Variants in ATP12A observed in about 807,000 individuals in gnomAD.
The protein encoded by ATP12A is potassium-transporting ATPase alpha chain 2.
In ATP12A, 81 loss-of-function variants were observed where a neutral mutation model predicts 111.2. The ratio of observed to expected loss-of-function variants is 0.73; its 90% CI spans 0.61 to 0.88. The LOEUF (loss-of-function observed/expected upper bound fraction) is 0.88, where lower values mean the gene tolerates loss of function less well. Among genes scored for constraint, ATP12A ranks in the 40% least tolerant of loss-of-function variants. The probability of loss-of-function intolerance (pLI) is 0.00; values close to 1 mark genes in which losing one functional copy is unlikely to be tolerated. For missense variants in ATP12A, 1,196 were observed against 1,313.1 expected (o/e 0.91, Z 1.38); for synonymous variants, 498 against 499.8 (o/e 1.00, Z 0.05).
At position 24,685,169 on chromosome 13, in the gene ATP12A, G is replaced by A; in HGVS notation, c.169-145G>A. On this transcript the variant is annotated intron_variant, in intron 2 of 22. Transcript: ENST00000381946. The surrounding 1 kb of genome is among the most constrained non-coding windows in gnomAD (Gnocchi z 5.5). ...CGCTGGGCAGCTGCCTGGCACAGGG[G>A]TTCTTTCTCTCCTGTCCCCCACACT... The A allele has an allele frequency of 1.4e-6, 1 of 722,328 alleles. No homozygotes were observed. Among genetic ancestry groups the A allele is most frequent in the East Asian group, 2.6e-5 (1 of 38,412 alleles). 44.7% of individuals were successfully genotyped at this position (722,328 alleles called of 1,614,324 possible).
At chr13:24,706,648 C>T (rs1466516738) in intron 15 of ATP12A, among the ~76,000 whole-genome samples, 185 bp downstream of exon 15, 1 of 152,160 alleles carries the variant, frequency 6.6e-6, no homozygotes, top group Admixed American at 6.5e-5. Flanking sequence ...CTTTGAGACC[C>T]CCACCACATG....
chr13:24,691,186 C>T lies in ATP12A; in HGVS notation c.1004C>T (p.Ser335Phe), dbSNP rs1874888679. 1 of 1,614,040 alleles carries T rather than the reference C, an allele frequency of 6.2e-7. No homozygotes were observed. Among genetic ancestry groups the T allele is most frequent in the Non-Finnish European group, 8.5e-7 (1 of 1,180,026 alleles). The change falls in exon 8 of 23, where the codon TCC becomes TTC. Residue 335 changes from serine to phenylalanine, a missense_variant. Transcript: ENST00000381946. ...AVSLKYQVLD[S>F]IIFLIGIIVA... Reference sequence around the variant, plus strand: ...TCCCTGAAGTATCAAGTCCTGGACTCCATCATCTTCCTCATTGGCATCATT... The same window carrying T: ...TCCCTGAAGTATCAAGTCCTGGACTTCATCATCTTCCTCATTGGCATCATT...
At chr13:24,696,718 C>CAAAAAAAAAAAA (rs1199522203) in intron 11 of ATP12A, among the ~76,000 whole-genome samples, 1 of 33,034 alleles carries the variant, frequency 3.0e-5, no homozygotes, top group Admixed American at 7.6e-4. Context: ...GACTCCGTCT[C>CAAAAAAAAAAAA]AAAAAAAAAA....
chr13:24,687,475 A>T (rs1254854840), intron 3 of ATP12A, among the ~76,000 whole-genome samples: 1 of 151,886 alleles, frequency 6.6e-6, no homozygotes, highest in East Asian at 1.9e-4. Context: ...AAAAAAAAAG[A>T]CCAAGACAGA....
chr13:24,703,006 G>C (rs1265705438), intron 14 of ATP12A, among the ~76,000 whole-genome samples: 1 of 152,176 alleles, frequency 6.6e-6, no homozygotes, highest in Non-Finnish European at 1.5e-5. Flanking sequence ...AAGCACTTAG[G>C]TCTTTTAGGG....
At position 24,681,586 on chromosome 13, in the gene ATP12A, G is replaced by A. The variant is rs1331350960; in HGVS notation, c.34G>A (p.Glu12Lys). ...GAAAACCCCAGAAATTTACTCCGTG[G>A]AGCTCAGCGGAACTAAGGACATCGT... ...HQKTPEIYSV[E>K]LSGTKDIVKT... Residue 12 changes from glutamate to lysine, a missense_variant, in exon 2 of 23, where the codon GAG becomes AAG. Physicochemically the swap from Glu to Lys is moderately conservative, Grantham distance 56. This residue lies in a region of ATP12A where 67 missense variants were observed against 64.0 expected (regional missense o/e 1.05). Coordinates refer to ENST00000381946, the MANE Select transcript of ATP12A (RefSeq NM_001676.7). The A allele has an allele frequency of 2.5e-6, 4 of 1,613,744 alleles. No homozygotes were observed. Among genetic ancestry groups the A allele is most frequent in the Non-Finnish European group, 2.5e-6 (3 of 1,179,980 alleles).
intron 17 of ATP12A, 85 bp from the exon 18 acceptor site, chr13:24,709,279 G>GCCCCC: frequency 9.5e-6 from 2 of 211,220 alleles, no homozygotes; most frequent in Non-Finnish European, 1.8e-5. Flanking sequence ...TCCAGCCAGT[G>GCCCCC]CCCCACCCAC....
intron 14 of ATP12A, among the ~76,000 whole-genome samples, chr13:24,703,234 T>TTTTGTTTG (rs80317625): frequency 3.9e-5 from 6 of 152,058 alleles, no homozygotes; most frequent in Non-Finnish European, 8.8e-5. Flanking sequence ...TTTAAACAAA[T>TTTTGTTTG]TTTGTTTGTT....
chr13:24,686,570 C>G (rs1874675799), intron 3 of ATP12A, among the ~76,000 whole-genome samples: 1 of 151,552 alleles, frequency 6.6e-6, no homozygotes, highest in South Asian at 2.1e-4. Context: ...GAAACCCCGT[C>G]TCTACTAAAA....
At chr13:24,691,323 C>A (rs1874895034) in intron 8 of ATP12A, 73 bp downstream of exon 8, 2 of 1,502,766 alleles carry the variant, frequency 1.3e-6, no homozygotes, top group South Asian at 2.6e-5. Context: ...GGCGCCCACA[C>A]AAACTGCAAT....
At chr13:24,694,599 G>T in intron 11 of ATP12A, 21 bp downstream of exon 11, 1 of 1,611,828 alleles carries the variant, frequency 6.2e-7, no homozygotes, top group Non-Finnish European at 8.5e-7. Context: ...CCTCACAACC[G>T]GTAATCTCTG....
In ATP12A at chr13:24,711,775, G is replaced by A. The variant is rs920155565; in HGVS notation, c.*253G>A. 7.1e-6 allele frequency: 4 copies of A among 565,124 alleles called. No individual in the cohort carries two copies. Among genetic ancestry groups the A allele is most frequent in the Non-Finnish European group, 3.1e-6 (1 of 317,480 alleles). 35.0% of individuals were successfully genotyped at this position (565,124 alleles called of 1,614,324 possible). On this transcript the variant is annotated 3_prime_UTR_variant, in exon 23 of 23. Coordinates refer to ENST00000381946, the MANE Select transcript of ATP12A (RefSeq NM_001676.7). ...AAAAATACGTACATTTCGAGGTAAT[G>A]GTATAGGGAAGAATGTGTTTATGTG...
intron 8 of ATP12A, 98 bp downstream of exon 8, chr13:24,691,348 G>A: frequency 7.1e-7 from 1 of 1,414,140 alleles, no homozygotes; most frequent in South Asian, 1.4e-5. Flanking sequence ...CCCAAGTCCA[G>A]AGCACCACGC....
chr13:24,710,734 G>C, intron 20 of ATP12A, 58 bp from the exon 21 acceptor site: 1 of 1,602,090 alleles, frequency 6.2e-7, no homozygotes, highest in Non-Finnish European at 8.5e-7. Context: ...GGTCTGCTGG[G>C]TGTATGATCA....
intron 14 of ATP12A, among the ~76,000 whole-genome samples, chr13:24,702,810 A>T (rs1875452693): frequency 6.6e-6 from 1 of 152,256 alleles, no homozygotes; most frequent in African/African-American, 2.4e-5. Flanking sequence ...TGATGTGGCC[A>T]GTGTAATGAG....
chr13:24,683,674 A>G (rs1275960441), intron 2 of ATP12A, among the ~76,000 whole-genome samples: 4 of 152,212 alleles, frequency 2.6e-5, no homozygotes, highest in African/African-American at 9.7e-5. Context: ...TCCCAGTGTA[A>G]CTGAAGTTCA....
chr13:24,708,897 AAAGG>A (rs1875796800), intron 17 of ATP12A, among the ~76,000 whole-genome samples: 1 of 122,046 alleles, frequency 8.2e-6, no homozygotes, highest in Non-Finnish European at 1.7e-5. Flanking sequence ...AGAAAGAAAG[AAAGG>A]AAAGAAAGAA....
rs12872010 is a variant in ATP12A at position 24,691,133 on chromosome 13, C to T, written c.951C>T (p.Ile317=). 98,334 of 1,614,156 alleles carry T rather than the reference C, an allele frequency of 0.061. 3,433 individuals carry two copies. Among genetic ancestry groups the T allele is most frequent in the South Asian group, 0.12 (10,662 of 91,080 alleles). ...TTGTGGCAGGAGTGGCTGTCTCCAT[C>T]GGCATCCTTTTCTTCATCATCGCTG... ...VHIVAGVAVS[I]GILFFIIAVS... The change falls in exon 8 of 23, where the codon ATC becomes ATT. Residue 317 remains isoleucine (I), a synonymous_variant. Transcript: ENST00000381946.
rs1874399496 is a variant in ATP12A at position 24,680,752 on chromosome 13, G to C, written c.9G>C (p.Gln3His). The C allele has an allele frequency of 6.7e-7, 1 of 1,499,700 alleles. No homozygotes were observed. Among genetic ancestry groups the C allele is most frequent in the African/African-American group, 1.5e-5 (1 of 68,858 alleles). 92.9% of individuals were successfully genotyped at this position (1,499,700 alleles called of 1,614,324 possible). The change falls in exon 1 of 23, where the codon CAG becomes CAC. Residue 3 changes from glutamine (Q) to histidine (H), a missense_variant and splice_region_variant. Transcript: ENST00000381946. ...GGCGCCACCAGCCCAGCATGCACCA[G>C]GTGCGTGCAGCCCCCGCGCCGGCCG... MH[Q>H]KTPEIYSVEL... is the part of the protein sequence containing the mutation.
Sources: gnomAD v4.1 joint callset for allele counts (sites outside exome capture counted in the v4.1 genomes callset) on GRCh38, gnomAD v4.1.1 for gene constraint, gnomAD v4.1.1 regional missense constraint, Gnocchi (gnomAD v3.1) non-coding constraint, MANE v1.5 for transcripts, NCBI Gene and HGNC (gene_info 2026-07-23, HGNC 2026-07-21) for gene names.